ZNF527: variants seen among roughly 807,000 people sequenced by gnomAD.
ZNF527 encodes zinc finger protein 527.
Under a neutral mutation model 13.5 loss-of-function variants are expected in ZNF527, and 5 were observed. The ratio of observed to expected loss-of-function variants is 0.37; its 90% CI spans 0.19 to 0.78. ZNF527 has a LOEUF of 0.78. Among genes scored for constraint, ZNF527 ranks in the 30% least tolerant of loss-of-function variants. The pLI is 0.48. For synonymous variants in ZNF527, 209 were observed against 243.1 expected, an observed-to-expected ratio of 0.86 and a Z score of 1.30; for missense variants, 628 against 726.4, an observed-to-expected ratio of 0.86 and a Z score of 1.56.
intron 1 of ZNF527, 148 bp downstream of exon 1, chr19:37,371,374 T>C (rs1600259758): frequency 6.6e-6 from 1 of 152,338 alleles, no homozygotes; most frequent in Non-Finnish European, 1.5e-5. Flanking sequence ...AGGCTGCGGG[T>C]GTGACAGAAT....
chr19:37,379,396 A>T, intron 3 of ZNF527, 150 bp downstream of exon 3: 3 of 613,056 alleles, frequency 4.9e-6, no homozygotes, highest in South Asian at 4.7e-5. Flanking sequence ...TGAAATATAT[A>T]TTTGCTTAAA....
chr19:37,388,373 C>G lies in ZNF527; in HGVS notation c.324C>G (p.Ser108=). 1.2e-6 allele frequency: 2 copies of G among 1,613,916 alleles called. No individual in the cohort carries two copies. Among genetic ancestry groups the G allele is most frequent in the Non-Finnish European group, 1.7e-6 (2 of 1,179,956 alleles). Residue 108 remains serine (S), a synonymous_variant, in exon 5 of 5, where the codon TCC becomes TCG. Coordinates refer to ENST00000436120, the MANE Select transcript of ZNF527 (RefSeq NM_032453.2). ...GGTTCATTGATGAAGATGAAATATC[C>G]CAGGAGATGGTAATGGAAAGGCTAG... ...PKWFIDEDEI[S]QEMVMERLAS... is the part of the protein sequence containing the mutation.
At chr19:37,378,333 T>C (rs1011476001) in intron 2 of ZNF527, among the ~76,000 whole-genome samples, 2 of 152,116 alleles carry the variant, frequency 1.3e-5, no homozygotes, top group African/African-American at 4.8e-5. Flanking sequence ...TGGCCTGATA[T>C]TTCATTATTT....
At chr19:37,375,286 C>CTTTCTTTCTTTCT (rs2040592112) in intron 2 of ZNF527, among the ~76,000 whole-genome samples, 2 of 122,594 alleles carry the variant, frequency 1.6e-5, no homozygotes, top group African/African-American at 7.0e-5. Flanking sequence ...TTCTTTCTTT[C>CTTTCTTTCTTTCT]TTTCTTTCTT....
intron 1 of ZNF527, among the ~76,000 whole-genome samples, chr19:37,372,553 C>T (rs1256114182): frequency 1.4e-5 from 2 of 144,372 alleles, no homozygotes; most frequent in African/African-American, 5.2e-5. Context: ...GCTCACAGCA[C>T]CCTCTACCTC....
chr19:37,378,490 T>C (rs777317501), intron 2 of ZNF527, among the ~76,000 whole-genome samples: 10 of 152,350 alleles, frequency 6.6e-5, no homozygotes, highest in Non-Finnish European at 1.5e-4. Flanking sequence ...TACAATGTGA[T>C]CAGTTTTGTA....
rs2040740057 is a variant in ZNF527, at chr19:37,390,062, T to C, written c.*183T>C. 2 of 689,120 alleles carry C rather than the reference T, an allele frequency of 2.9e-6. No individual in the cohort carries two copies. Among genetic ancestry groups the C allele is most frequent in the Non-Finnish European group, 4.4e-6 (2 of 453,154 alleles). The allele number at this position is 689,120 out of a possible 1,614,324, so 42.7% of individuals were successfully genotyped here. On this transcript the variant is annotated 3_prime_UTR_variant, in exon 5 of 5. Coordinates refer to ENST00000436120, the MANE Select transcript of ZNF527 (RefSeq NM_032453.2). ...TTTTTTTTTTCAGACAGAGTCTCGC[T>C]CTGTTGCCCAGGCTGGAGTGCAGTG... is the stretch of plus-strand genomic sequence containing the variant.
intron 3 of ZNF527, chr19:37,379,454 T>G: frequency 2.8e-6 from 1 of 356,216 alleles, no homozygotes; most frequent in Admixed American, 4.5e-5. Context: ...ACACATGAAG[T>G]AATTTCTTTT....
At chr19:37,380,424 G>A (rs775043792) in intron 4 of ZNF527, 52 bp downstream of exon 4, 3 of 1,487,948 alleles carry the variant, frequency 2.0e-6, no homozygotes, top group South Asian at 2.3e-5. Context: ...ACTCAACCAA[G>A]TAGTAAGTAG....
Position 37,391,783 on chromosome 19 carries a change from A to T in ZNF527, c.*1904A>T, listed in dbSNP as rs2040756913. 1.3e-5 allele frequency: 2 copies of T among 152,164 alleles called. No homozygotes were observed. Among genetic ancestry groups the T allele is most frequent in the Non-Finnish European group, 2.9e-5 (2 of 68,018 alleles). 9.4% of individuals were successfully genotyped at this position (152,164 alleles called of 1,614,324 possible). A position where few individuals can be genotyped will look rare whatever the true frequency, so the allele number is the denominator to read the frequency against. ...TCCATTATTGGGAGTAATGAGGAAG[A>T]TGAAGGTGTAGGGCAATACGTTTCT... On this transcript the variant is annotated 3_prime_UTR_variant, in exon 5 of 5. Coordinates refer to ENST00000436120, the MANE Select transcript of ZNF527 (RefSeq NM_032453.2).
intron 4 of ZNF527, among the ~76,000 whole-genome samples, chr19:37,387,152 A>G (rs929785747): frequency 6.6e-6 from 1 of 152,254 alleles, no homozygotes; most frequent in African/African-American, 2.4e-5. Flanking sequence ...AGAAACTGTT[A>G]TGGCAAAGAC....
intron 2 of ZNF527, 108 bp downstream of exon 2, chr19:37,374,339 C>A: frequency 5.1e-6 from 5 of 979,032 alleles, no homozygotes; most frequent in Non-Finnish European, 1.6e-6. Flanking sequence ...TTCCACTTCT[C>A]TCTCCACCTT....
chr19:37,380,784 A>G (rs961939003), intron 4 of ZNF527, among the ~76,000 whole-genome samples: 2 of 152,200 alleles, frequency 1.3e-5, no homozygotes, highest in African/African-American at 4.8e-5. Context: ...AAGCCTATAC[A>G]AGGCTTTTTC....
chr19:37,372,062 C>G (rs2040561617), intron 1 of ZNF527, among the ~76,000 whole-genome samples: 1 of 150,192 alleles, frequency 6.7e-6, no homozygotes, highest in South Asian at 2.1e-4. Flanking sequence ...TGCAATGATG[C>G]GATCTCGGCT....
intron 2 of ZNF527, among the ~76,000 whole-genome samples, chr19:37,375,488 G>C (rs2040600596): frequency 1.3e-5 from 2 of 149,946 alleles, no homozygotes. Context: ...CAGCTTTCCG[G>C]GTAGCTGGGA....
chr19:37,374,051 G>C (rs1421295768), intron 1 of ZNF527, 107 bp from the exon 2 acceptor site: 19 of 735,554 alleles, frequency 2.6e-5, no homozygotes, highest in East Asian at 8.1e-5. Flanking sequence ...AAAAGGTGAG[G>C]CTGGCCCATG....
intron 1 of ZNF527, among the ~76,000 whole-genome samples, chr19:37,373,288 TG>T (rs1837553464): frequency 6.6e-6 from 1 of 152,206 alleles, no homozygotes; most frequent in African/African-American, 2.4e-5. Context: ...TGTTTGTGAT[TG>T]GGTGAGAATT....
At chr19:37,371,398 ACT>A (rs1491587039) in intron 1 of ZNF527, among the ~76,000 whole-genome samples, 172 bp downstream of exon 1, 3 of 152,062 alleles carry the variant, frequency 2.0e-5, no homozygotes, top group African/African-American at 7.2e-5. Flanking sequence ...ATCTTGTGTC[ACT>A]GTGTGTGTGT....
chr19:37,373,849 G>A (rs1248135869), intron 1 of ZNF527, among the ~76,000 whole-genome samples: 2 of 152,184 alleles, frequency 1.3e-5, no homozygotes, highest in East Asian at 1.9e-4. Context: ...GGAGTGTGGC[G>A]AGTAAGGGGC....
Sources: allele counts gnomAD v4.1 joint callset (sites outside exome capture counted in the v4.1 genomes callset), GRCh38; gene constraint gnomAD v4.1.1; transcripts MANE v1.5; gene names NCBI Gene and HGNC (gene_info 2026-07-23, HGNC 2026-07-21).